Variants in MIB1 observed in about 807,000 individuals in gnomAD.
MIB1 encodes the protein E3 ubiquitin-protein ligase MIB1.
MIB1 carries 278 observed loss-of-function variants against 124.5 expected under a neutral mutation model. The observed-to-expected ratio is 2.23, with a 90% confidence interval of 2.02 to 2.47. The LOEUF is 2.47. MIB1 is among the 30% of genes most tolerant of loss of function. The pLI, the probability that MIB1 is intolerant of heterozygous loss-of-function variation, is 0.00. For synonymous variants in MIB1, 446 were observed against 429.4 expected (o/e 1.04, Z -0.48); for missense variants, 957 against 1,254.4 (o/e 0.76, Z 3.58).
At position 21,847,068 on chromosome 18, in the gene MIB1, T is replaced by G; in HGVS notation, c.2336T>G (p.Leu779Arg). The G allele has an allele frequency of 1.2e-6, 2 of 1,614,178 alleles. No homozygotes were observed. Among genetic ancestry groups the G allele is most frequent in the Non-Finnish European group, 1.7e-6 (2 of 1,180,022 alleles). The change falls in exon 16 of 21, where the codon CTC becomes CGC. Residue 779 changes from leucine (L) to arginine (R), a missense_variant. Transcript: ENST00000261537. ...RNKKGQSPLD[L>R]CPDPNLCKAL... ...AAGAAGGGTCAATCGCCACTTGATC[T>G]CTGTCCTGATCCGAATCTCTGCAAA...
intron 8 of MIB1, among the ~76,000 whole-genome samples, chr18:21,799,404 A>AT (rs2041624453): frequency 6.6e-6 from 1 of 151,988 alleles, no homozygotes. Flanking sequence ...TATTACAGAG[A>AT]TTGTTGCTTT....
Position 21,773,589 on chromosome 18 carries a change from TAAAAAACTTCTTTTCTC to T in MIB1, c.532-29_532-13del, listed in dbSNP as rs774365097. On this transcript the variant is annotated intron_variant, in intron 3 of 20. Transcript: ENST00000261537. ...AAGAACTAAGCTCTTCCCTCCCCTTTAAAAAACTTCTTTTCTCAAAAACTATTCTGTTAGGTAACAGA... is the reference window on the plus strand; with the variant it reads ...AAGAACTAAGCTCTTCCCTCCCCTTTAAAAACTATTCTGTTAGGTAACAGA... 3 of 1,485,176 alleles carry T rather than the reference TAAAAAACTTCTTTTCTC, an allele frequency of 2.0e-6. No individual in the cohort carries two copies. The highest frequency in any genetic ancestry group is 2.8e-6 in the Non-Finnish European group (3 of 1,075,840). The allele number at this position is 1,485,176 out of a possible 1,614,324, so 92.0% of individuals were successfully genotyped here.
chr18:21,712,438 A>G (rs2146353124), intron 1 of MIB1, among the ~76,000 whole-genome samples: 1 of 152,274 alleles, frequency 6.6e-6, no homozygotes, highest in Non-Finnish European at 1.5e-5. Context: ...ATACTATGTT[A>G]TATAAGACTC....
intron 1 of MIB1, chr18:21,705,152 G>C (rs988307729): frequency 6.5e-6 from 1 of 152,844 alleles, no homozygotes; most frequent in African/African-American, 2.4e-5. Context: ...CAAAGATTTG[G>C]GGAGTTAATG....
intron 6 of MIB1, among the ~76,000 whole-genome samples, chr18:21,783,658 GTC>G (rs1174323434): frequency 1.3e-5 from 2 of 151,666 alleles, no homozygotes; most frequent in African/African-American, 4.8e-5. Context: ...TTTGTAACTC[GTC>G]TCTTCCTTTT....
At chr18:21,733,347 T>TA (rs2040781045) in intron 1 of MIB1, among the ~76,000 whole-genome samples, 1 of 152,216 alleles carries the variant, frequency 6.6e-6, no homozygotes, top group African/African-American at 2.4e-5. Context: ...CTTGAACTCC[T>TA]AGGCTCAAGT....
chr18:21,773,996 ATCATCTGTAAGACCAT>A (rs2041252413), intron 4 of MIB1, among the ~76,000 whole-genome samples: 1 of 152,188 alleles, frequency 6.6e-6, no homozygotes, highest in Non-Finnish European at 1.5e-5. Context: ...AAGATTGGGA[ATCATCTGTAAGACCAT>A]TCCTTGACGT....
upstream of MIB1, among the ~76,000 whole-genome samples, chr18:21,739,335 C>G (rs964075590): frequency 6.6e-6 from 1 of 152,136 alleles, no homozygotes; most frequent in Non-Finnish European, 1.5e-5. Flanking sequence ...CAGACAGATT[C>G]ACAGCCGAAT....
intron 6 of MIB1, among the ~76,000 whole-genome samples, chr18:21,780,228 C>T (rs905762771): frequency 6.6e-6 from 1 of 152,180 alleles, no homozygotes; most frequent in African/African-American, 2.4e-5. Flanking sequence ...TAACATCACC[C>T]CTTCTTTACA....
intron 7 of MIB1, among the ~76,000 whole-genome samples, chr18:21,793,712 T>C (rs1431824514): frequency 7.8e-6 from 1 of 128,440 alleles, no homozygotes; most frequent in Non-Finnish European, 1.5e-5. Flanking sequence ...GCCCAGGAGG[T>C]TGAGGCTACA....
chr18:21,802,381 G>GT (rs755584416), intron 9 of MIB1, among the ~76,000 whole-genome samples: 19 of 150,082 alleles, frequency 1.3e-4, no homozygotes, highest in South Asian at 2.1e-4. Context: ...TTTTTTTCCT[G>GT]TTTTTTTTCT....
chr18:21,821,791 C>T (rs1306320550), intron 12 of MIB1, among the ~76,000 whole-genome samples: 3 of 151,820 alleles, frequency 2.0e-5, no homozygotes, highest in Non-Finnish European at 2.9e-5. Flanking sequence ...TTAGTAGAGA[C>T]GGGGTTTCAC....
intron 10 of MIB1, 55 bp from the exon 11 acceptor site, chr18:21,815,561 A>G: frequency 1.4e-6 from 2 of 1,459,630 alleles, no homozygotes; most frequent in Non-Finnish European, 1.9e-6. Flanking sequence ...TATAGCTTCA[A>G]GGTTTTTTTC....
At chr18:21,718,020 AAGAAACT>A (rs2040697540) in intron 1 of MIB1, among the ~76,000 whole-genome samples, 1 of 152,240 alleles carries the variant, frequency 6.6e-6, no homozygotes, top group South Asian at 2.1e-4. Flanking sequence ...TGAATGAATA[AAGAAACT>A]GGTATTTATA....
intron 1 of MIB1, among the ~76,000 whole-genome samples, chr18:21,756,483 G>C (rs538380338): frequency 6.7e-6 from 1 of 149,876 alleles, no homozygotes; most frequent in Admixed American, 6.7e-5. Context: ...ATTTTTTTTT[G>C]AGATGAAATC....
intron 10 of MIB1, among the ~76,000 whole-genome samples, chr18:21,811,698 TGGG>T (rs768448979): frequency 4.0e-5 from 6 of 151,786 alleles, no homozygotes; most frequent in African/African-American, 7.3e-5. Flanking sequence ...TTTCCAGAGA[TGGG>T]GGGGTAGGAG....
chr18:21,748,530 A>G (rs1204481974), intron 1 of MIB1, among the ~76,000 whole-genome samples: 4 of 151,332 alleles, frequency 2.6e-5, no homozygotes, highest in Non-Finnish European at 4.4e-5. Context: ...CCTGGGCTCA[A>G]GCCATCTTCC....
intron 12 of MIB1, among the ~76,000 whole-genome samples, chr18:21,830,397 A>T (rs754927027): frequency 6.6e-6 from 1 of 152,196 alleles, no homozygotes; most frequent in Admixed American, 6.6e-5. Context: ...AATGTAAATG[A>T]CAATAATGTA....
chr18:21,866,752 A>G lies in MIB1; in HGVS notation c.*2086A>G, dbSNP rs2042324263. Reference sequence around the variant, plus strand: ...TAATTATTTCCTTTATAAGAATATGACATAAATTTTTATTATAGAAATAAT... The same window carrying G: ...TAATTATTTCCTTTATAAGAATATGGCATAAATTTTTATTATAGAAATAAT... On this transcript the variant is annotated 3_prime_UTR_variant, in exon 21 of 21. Coordinates refer to ENST00000261537, the MANE Select transcript of MIB1 (RefSeq NM_020774.4). 2.0e-5 allele frequency: 3 copies of G among 152,248 alleles called. No individual in the cohort carries two copies. Among genetic ancestry groups the G allele is most frequent in the Non-Finnish European group, 4.4e-5 (3 of 68,050 alleles). 9.4% of individuals were successfully genotyped at this position (152,248 alleles called of 1,614,324 possible).
Sources: gnomAD v4.1 joint callset for allele counts (sites outside exome capture counted in the v4.1 genomes callset) on GRCh38, gnomAD v4.1.1 for gene constraint, MANE v1.5 for transcripts, NCBI Gene and HGNC (gene_info 2026-07-23, HGNC 2026-07-21) for gene names.